Variants in HEPHL1 observed in about 807,000 individuals in gnomAD.
HEPHL1 encodes hephaestin like 1, also known as ferroxidase HEPHL1.
HEPHL1 carries 123 observed loss-of-function variants against 122.0 expected under a neutral mutation model. The ratio of observed to expected loss-of-function variants is 1.01; its 90% CI spans 0.87 to 1.17. The LOEUF (loss-of-function observed/expected upper bound fraction) is 1.17, where lower values mean the gene tolerates loss of function less well. Ranked by LOEUF, HEPHL1 falls within the 50% of genes most tolerant of loss-of-function variation. The pLI, the probability that HEPHL1 is intolerant of heterozygous loss-of-function variation, is 0.00. For synonymous variants in HEPHL1, 527 were observed against 508.9 expected, an observed-to-expected ratio of 1.04 and a Z score of -0.48; for missense variants, 1,452 against 1,430.5, an observed-to-expected ratio of 1.01 and a Z score of -0.24.
intron 10 of HEPHL1, among the ~76,000 whole-genome samples, chr11:94,084,005 A>T (rs1046417486): frequency 3.9e-5 from 6 of 152,316 alleles, no homozygotes; most frequent in Admixed American, 3.3e-4. Context: ...TATTTTGGCA[A>T]TGTGAAACTA....
chr11:94,047,204 G>GT (rs1427116224), intron 2 of HEPHL1, among the ~76,000 whole-genome samples: 1 of 152,098 alleles, frequency 6.6e-6, no homozygotes, highest in Non-Finnish European at 1.5e-5. Context: ...CTTTAATATA[G>GT]TTTTTTTAAC....
intron 9 of HEPHL1, among the ~76,000 whole-genome samples, chr11:94,080,707 T>A (rs747725540): frequency 4.6e-5 from 7 of 152,198 alleles, no homozygotes; most frequent in Non-Finnish European, 1.0e-4. Context: ...ACTTAACTGA[T>A]CATTAGAGAA....
intron 1 of HEPHL1, among the ~76,000 whole-genome samples, chr11:94,027,536 A>G (rs1945636637): frequency 6.6e-6 from 1 of 152,150 alleles, no homozygotes; most frequent in African/African-American, 2.4e-5. Context: ...CATAACTGTC[A>G]TTGATTCAGC....
intron 6 of HEPHL1, among the ~76,000 whole-genome samples, chr11:94,072,159 C>A (rs1489059860): frequency 6.6e-6 from 1 of 152,010 alleles, no homozygotes; most frequent in Non-Finnish European, 1.5e-5. Flanking sequence ...CGGTCTTGGC[C>A]ATTATGACCA....
At chr11:94,060,594 A>G (rs1450460344) in intron 2 of HEPHL1, among the ~76,000 whole-genome samples, 1 of 152,144 alleles carries the variant, frequency 6.6e-6, no homozygotes, top group African/African-American at 2.4e-5. Context: ...CAAGCTGCAT[A>G]CCTAACAAGT....
intron 17 of HEPHL1, among the ~76,000 whole-genome samples, chr11:94,110,480 G>T (rs1703581547): frequency 6.6e-6 from 1 of 152,120 alleles, no homozygotes; most frequent in Non-Finnish European, 1.5e-5. Context: ...CATGAAAACT[G>T]GCTTCCTCCA....
intron 1 of HEPHL1, among the ~76,000 whole-genome samples, chr11:94,028,374 G>T (rs1244596982): frequency 6.6e-6 from 1 of 152,162 alleles, no homozygotes; most frequent in African/African-American, 2.4e-5. Flanking sequence ...ATTGCTGGGT[G>T]GTTTATATCC....
At chr11:94,042,663 G>A (rs1393759890) in intron 1 of HEPHL1, among the ~76,000 whole-genome samples, 1 of 145,942 alleles carries the variant, frequency 6.9e-6, no homozygotes, top group Non-Finnish European at 1.5e-5. Context: ...CTCATAGGTG[G>A]GAATTGAACA....
intron 3 of HEPHL1, 82 bp downstream of exon 3, chr11:94,063,802 C>A: frequency 8.6e-7 from 1 of 1,163,196 alleles, no homozygotes; most frequent in Non-Finnish European, 1.3e-6. Flanking sequence ...TCCTTTGCTC[C>A]ACACAGAATG....
intron 10 of HEPHL1, among the ~76,000 whole-genome samples, chr11:94,085,762 A>T (rs1946211366): frequency 6.6e-6 from 1 of 152,172 alleles, no homozygotes. Flanking sequence ...GTCCTTGCAT[A>T]TGTGTTGTTA....
chr11:94,024,640 C>T (rs1162669543), intron 1 of HEPHL1, among the ~76,000 whole-genome samples: 1 of 152,110 alleles, frequency 6.6e-6, no homozygotes, highest in Non-Finnish European at 1.5e-5. Flanking sequence ...GAAGCTTTCC[C>T]CCATGACCCT....
At chr11:94,099,565 C>T (rs1373709799) in intron 13 of HEPHL1, among the ~76,000 whole-genome samples, 1 of 152,242 alleles carries the variant, frequency 6.6e-6, no homozygotes, top group Non-Finnish European at 1.5e-5. Flanking sequence ...TTTACGTCTG[C>T]AGAGGTTTCT....
chr11:94,110,691 T>C (rs965557016), intron 17 of HEPHL1, among the ~76,000 whole-genome samples: 1 of 152,232 alleles, frequency 6.6e-6, no homozygotes, highest in African/African-American at 2.4e-5. Context: ...AGCTGGCTAC[T>C]ACAGAATTTA....
At chr11:94,095,300 G>A (rs1420563534) in intron 13 of HEPHL1, among the ~76,000 whole-genome samples, 1 of 152,130 alleles carries the variant, frequency 6.6e-6, no homozygotes, top group Admixed American at 6.6e-5. Flanking sequence ...AGATCAGATG[G>A]TTGTAGATGT....
At chr11:94,025,321 T>G (rs1438062057) in intron 1 of HEPHL1, among the ~76,000 whole-genome samples, 1 of 152,196 alleles carries the variant, frequency 6.6e-6, no homozygotes. Flanking sequence ...TCCTTTGAGT[T>G]GCCTGGGGAT....
intron 14 of HEPHL1, among the ~76,000 whole-genome samples, chr11:94,102,197 C>T (rs113293197): frequency 1.4e-4 from 22 of 152,300 alleles, no homozygotes; most frequent in African/African-American, 5.1e-4. Context: ...AAAATTAACA[C>T]ATTAACTGCC....
chr11:94,031,170 G>A (rs1178946267), intron 1 of HEPHL1, among the ~76,000 whole-genome samples: 7 of 151,734 alleles, frequency 4.6e-5, no homozygotes, highest in South Asian at 2.1e-4. Flanking sequence ...CAGAGTAACC[G>A]CCCCTCCCCC....
At chr11:94,063,430 T>C (rs1030876296) in intron 2 of HEPHL1, 78 bp from the exon 3 acceptor site, 5 of 1,123,122 alleles carry the variant, frequency 4.5e-6, no homozygotes, top group Non-Finnish European at 6.5e-6. Flanking sequence ...TCCAAAGCTC[T>C]GGCCCTCTCT....
intron 6 of HEPHL1, among the ~76,000 whole-genome samples, chr11:94,071,696 G>A (rs1946075407): frequency 6.6e-6 from 1 of 152,160 alleles, no homozygotes; most frequent in Admixed American, 6.6e-5. Flanking sequence ...GTAACTGCAA[G>A]TTACAAATAA....
Sources: gnomAD v4.1 joint callset for allele counts (sites outside exome capture counted in the v4.1 genomes callset) on GRCh38, gnomAD v4.1.1 for gene constraint, MANE v1.5 for transcripts, NCBI Gene and HGNC (gene_info 2026-07-23, HGNC 2026-07-21) for gene names.